The following GSE1 variants were observed in gnomAD, a reference collection of about 807,000 sequenced individuals.
GSE1 encodes Gse1 coiled-coil protein.
A neutral mutation model predicts 112.6 loss-of-function variants in GSE1; 32 were observed. The observed-to-expected ratio is 0.28, with a 90% CI of 0.21 to 0.38. The LOEUF is 0.38. GSE1 is among the 10% of genes least tolerant of loss of function. GSE1 has a pLI of 1.00. For synonymous variants in GSE1, 1,115 were observed against 735.6 expected, an observed-to-expected ratio of 1.52 and a Z score of -8.35; for missense variants, 2,348 against 1,699.2, an observed-to-expected ratio of 1.38 and a Z score of -6.71.
chr16:85,186,082 C>T (rs7198356), intron 1 of GSE1, among the ~76,000 whole-genome samples: 1 of 152,064 alleles, frequency 6.6e-6, no homozygotes, highest in African/African-American at 2.4e-5. Flanking sequence ...TGATACTGTT[C>T]TATGTCCCCC....
intron 1 of GSE1, among the ~76,000 whole-genome samples, chr16:85,586,077 C>T (rs1246240618): frequency 6.6e-6 from 1 of 152,222 alleles, no homozygotes; most frequent in Non-Finnish European, 1.5e-5. Flanking sequence ...CCTCTCTCCC[C>T]TACTTGGCCG....
At chr16:85,336,047 C>T (rs770771768) in intron 1 of GSE1, among the ~76,000 whole-genome samples, 33 of 152,222 alleles carry the variant, frequency 2.2e-4, no homozygotes, top group Non-Finnish European at 4.0e-4. Flanking sequence ...CTAGTGTCTC[C>T]GAGATATGGA....
At chr16:85,365,438 C>G (rs989043988) in intron 2 of GSE1, among the ~76,000 whole-genome samples, 2 of 152,238 alleles carry the variant, frequency 1.3e-5, no homozygotes, top group Admixed American at 6.5e-5. Flanking sequence ...CCTGGCTCCT[C>G]CCAGGTCAAG....
At chr16:85,634,156 C>CTT in intron 2 of GSE1, 24 bp downstream of exon 2, 5 of 1,398,060 alleles carry the variant, frequency 3.6e-6, no homozygotes, top group Non-Finnish European at 4.6e-6. Context: ...CCAGGCTGCG[C>CTT]GTGGGGGGAG....
chr16:85,316,137 C>T (rs750524519), intron 1 of GSE1, among the ~76,000 whole-genome samples: 2 of 152,244 alleles, frequency 1.3e-5, no homozygotes, highest in Non-Finnish European at 2.9e-5. Context: ...GCCACGAGCT[C>T]CCTGAGTAAC....
At chr16:85,566,219 C>G (rs1025778182) in intron 1 of GSE1, among the ~76,000 whole-genome samples, 4 of 152,180 alleles carry the variant, frequency 2.6e-5, no homozygotes, top group Non-Finnish European at 5.9e-5. Context: ...TTGAGAATGA[C>G]CTGGAAGAGG....
At chr16:85,479,056 C>G (rs1292889936) in intron 2 of GSE1, among the ~76,000 whole-genome samples, 4 of 144,834 alleles carry the variant, frequency 2.8e-5, no homozygotes, top group African/African-American at 1.0e-4. Context: ...GAGTCTCGCT[C>G]TGTCGCCCAG....
intron 2 of GSE1, among the ~76,000 whole-genome samples, chr16:85,448,098 C>T (rs1050019398): frequency 2.0e-5 from 3 of 152,196 alleles, no homozygotes; most frequent in Non-Finnish European, 4.4e-5. Flanking sequence ...GTGTACCCAG[C>T]TCTGGGCTCC....
chr16:85,656,003 T>C (rs1050397180), intron 6 of GSE1, 86 bp downstream of exon 6: 2 of 1,066,192 alleles, frequency 1.9e-6, no homozygotes, highest in South Asian at 1.5e-5. Flanking sequence ...GGAACCTGAC[T>C]GGACTCCTTG....
upstream of GSE1, chr16:85,611,464 G>A (rs2151536869): frequency 3.0e-6 from 3 of 985,262 alleles, no homozygotes; most frequent in Non-Finnish European, 3.6e-6. Flanking sequence ...GGGCGCCGCC[G>A]GTGAGCTGGC....
At chr16:85,318,591 A>C (rs1338373748) in intron 1 of GSE1, among the ~76,000 whole-genome samples, 2 of 152,172 alleles carry the variant, frequency 1.3e-5, no homozygotes, top group Non-Finnish European at 2.9e-5. Flanking sequence ...GGGGCTGACG[A>C]TAGTGGGAAC....
intron 1 of GSE1, among the ~76,000 whole-genome samples, chr16:85,567,507 G>C (rs554549201): frequency 6.6e-6 from 1 of 152,026 alleles, no homozygotes; most frequent in African/African-American, 2.4e-5. Context: ...GGCTCTCAAC[G>C]CTGGGACGCC....
chr16:85,363,023 C>G (rs4783173), intron 2 of GSE1, among the ~76,000 whole-genome samples: 92,035 of 151,696 alleles, frequency 0.61, 28,532 homozygotes, highest in East Asian at 0.86. Context: ...TTTTAATAGA[C>G]ATGGGGTTTC....
intron 2 of GSE1, among the ~76,000 whole-genome samples, chr16:85,413,438 C>T (rs1296959360): frequency 2.0e-5 from 3 of 152,032 alleles, no homozygotes; most frequent in Non-Finnish European, 2.9e-5. Flanking sequence ...GCGGCCTGCT[C>T]TCCCGGGTGA....
chr16:85,597,762 C>T (rs933122307), intron 1 of GSE1, among the ~76,000 whole-genome samples: 3 of 152,176 alleles, frequency 2.0e-5, no homozygotes, highest in African/African-American at 4.8e-5. Context: ...TGATCCACTG[C>T]GCCTGGCTGG....
intron 2 of GSE1, among the ~76,000 whole-genome samples, chr16:85,418,778 G>A (rs1342872797): frequency 6.6e-6 from 1 of 152,234 alleles, no homozygotes. Flanking sequence ...GACTGCTGCA[G>A]GGATCCAGGC....
intron 13 of GSE1, among the ~76,000 whole-genome samples, chr16:85,667,694 A>C (rs2052984689): frequency 6.6e-6 from 1 of 152,200 alleles, no homozygotes; most frequent in Non-Finnish European, 1.5e-5. Context: ...CCCTGTTTCT[A>C]CTAAAAATGC....
At chr16:85,254,860 C>G (rs765017664) in intron 1 of GSE1, among the ~76,000 whole-genome samples, 1 of 152,210 alleles carries the variant, frequency 6.6e-6, no homozygotes, top group South Asian at 2.1e-4. Context: ...CTGCAGCAGC[C>G]GAGGCTGGAG....
rs1273305587 is a variant in GSE1, at chr16:85,434,759, A to G, written c.2464+77116A>G. Among the ~76,000 whole-genome samples the G allele has an allele frequency of 2.0e-5, 3 of 152,364 alleles. No homozygotes were observed. The East Asian group carries it at 5.8e-4, about 29-fold the overall frequency. The stretch of plus-strand genomic sequence containing the variant: ...CTTGAACCCGGGAGGCAGAGGTTGC[A>G]GTAGCCAAGATCGTGCTTCTGCACT... On this transcript the variant is annotated intron_variant, in intron 2 of 2. Transcript: ENST00000637419.
Sources: allele counts gnomAD v4.1 joint callset (sites outside exome capture counted in the v4.1 genomes callset), GRCh38; gene constraint gnomAD v4.1.1; transcripts MANE v1.5; gene names NCBI Gene and HGNC (gene_info 2026-07-23, HGNC 2026-07-21).